Variants in CTNNA3 observed in about 807,000 individuals in gnomAD.
The protein encoded by CTNNA3 is catenin alpha 3.
CTNNA3 carries 76 observed loss-of-function variants against 95.7 expected under a neutral mutation model. The ratio of observed to expected loss-of-function variants is 0.79; its 90% CI spans 0.66 to 0.96. The LOEUF (loss-of-function observed/expected upper bound fraction) is 0.96, where lower values mean the gene tolerates loss of function less well. Ranked by LOEUF, CTNNA3 falls within the 40% of genes least tolerant of loss-of-function variation. The pLI, the probability that CTNNA3 is intolerant of heterozygous loss-of-function variation, is 0.00. For missense variants in CTNNA3, 1,191 were observed against 1,089.8 expected, an observed-to-expected ratio of 1.09 and a Z score of -1.31; for synonymous variants, 431 against 374.4, an observed-to-expected ratio of 1.15 and a Z score of -1.74.
chr10:66,155,621 C>T (rs565832655), intron 13 of CTNNA3, among the ~76,000 whole-genome samples: 1 of 151,868 alleles, frequency 6.6e-6, no homozygotes, highest in Admixed American at 6.6e-5. Flanking sequence ...CATCTTAATA[C>T]ATTGCACTAG....
intron 15 of CTNNA3, among the ~76,000 whole-genome samples, chr10:66,048,275 G>T (rs10996854): frequency 1.3e-5 from 2 of 151,906 alleles, no homozygotes; most frequent in African/African-American, 4.8e-5. Context: ...TACAGAAACC[G>T]ACAAATAGAC....
chr10:66,210,951 G>A (rs140097450), intron 13 of CTNNA3, among the ~76,000 whole-genome samples: 43 of 152,294 alleles, frequency 2.8e-4, no homozygotes, highest in African/African-American at 8.7e-4. Flanking sequence ...ATTTTAAATT[G>A]TAGAAACAAC....
chr10:67,510,877 G>T (rs1158672250), intron 5 of CTNNA3, among the ~76,000 whole-genome samples: 1 of 152,118 alleles, frequency 6.6e-6, no homozygotes, highest in Admixed American at 6.5e-5. Context: ...TTGAGCAGTG[G>T]TTTGTAGTTC....
In CTNNA3 at chr10:66,435,937, A is replaced by G. The variant is rs11817864; in HGVS notation, c.1532-56585T>C. 6.9e-3 allele frequency among the ~76,000 whole-genome samples: 1,042 copies of G among 150,482 alleles called. 10 individuals carry two copies. Among genetic ancestry groups the G allele is most frequent in the African/African-American group, 0.024 (986 of 41,184 alleles). ...ATTTCTGCCTTAATTTATTTACCCA[A>G]TAGTCATTCAGGAGCAGGTTGTTCA... On this transcript the variant is annotated intron_variant, in intron 11 of 17. Transcript: ENST00000433211.
intron 13 of CTNNA3, among the ~76,000 whole-genome samples, chr10:66,188,573 T>TG (rs1407083787): frequency 2.5e-4 from 18 of 70,702 alleles, no homozygotes; most frequent in African/African-American, 8.0e-4. Flanking sequence ...TTTCTGTGTG[T>TG]GTGTGGGGGG....
intron 7 of CTNNA3, among the ~76,000 whole-genome samples, chr10:67,124,627 A>G (rs1168045972): frequency 6.6e-6 from 1 of 152,206 alleles, no homozygotes; most frequent in Non-Finnish European, 1.5e-5. Context: ...GAAATTTTAC[A>G]GTAAAGGCTG....
At chr10:66,459,632 C>T (rs1333053360) in intron 11 of CTNNA3, among the ~76,000 whole-genome samples, 5 of 152,168 alleles carry the variant, frequency 3.3e-5, no homozygotes, top group Non-Finnish European at 7.4e-5. Flanking sequence ...TGTCATTGTG[C>T]AAACATCATA....
chr10:66,193,305 C>T (rs570131411), intron 13 of CTNNA3, among the ~76,000 whole-genome samples: 3 of 152,082 alleles, frequency 2.0e-5, no homozygotes, highest in Admixed American at 6.5e-5. Context: ...CAAAGGAGTC[C>T]GACAATAAAT....
At position 67,743,250 on chromosome 10, in the gene CTNNA3, C is replaced by G. The variant is rs368160246; in HGVS notation, c.-2+20184G>C. On this transcript the variant is annotated intron_variant, in intron 1 of 17. Transcript: ENST00000684154. ...TGATGAACATTGATGCAAAAATCCT[C>G]AATAAAATACTGGCAAACCAAATCC... Among the ~76,000 whole-genome samples, 16 of 151,270 alleles carry G rather than the reference C, an allele frequency of 1.1e-4. No homozygotes were observed. The East Asian group carries it at 2.7e-3, about 25-fold the overall frequency.
chr10:67,490,393 C>T (rs1848602903), intron 5 of CTNNA3, among the ~76,000 whole-genome samples: 1 of 152,108 alleles, frequency 6.6e-6, no homozygotes, highest in Non-Finnish European at 1.5e-5. Flanking sequence ...CCAGCACATA[C>T]TCCAAAAATA....
chr10:66,202,751 C>G (rs1589719597), intron 13 of CTNNA3, among the ~76,000 whole-genome samples: 1 of 152,114 alleles, frequency 6.6e-6, no homozygotes, highest in African/African-American at 2.4e-5. Context: ...GAAACTCTGA[C>G]TCTTCTACCA....
rs576375480 is a variant in CTNNA3, at chr10:66,101,636, T to G, written c.1977+1521A>C. Among the ~76,000 whole-genome samples the G allele has an allele frequency of 1.2e-4, 18 of 152,312 alleles. 1 individual carries two copies. The South Asian group carries it at 3.7e-3, about 32-fold the overall frequency. ...CAAATATGTAGATGCAAGATATTATTGTTAATAAAAAGATATAGTTAAGCT... is the reference window on the plus strand; with the variant it reads ...CAAATATGTAGATGCAAGATATTATGGTTAATAAAAAGATATAGTTAAGCT... On this transcript the variant is annotated intron_variant, in intron 14 of 17. Transcript: ENST00000433211.
chr10:66,625,034 C>CA (rs1430538721), intron 9 of CTNNA3, among the ~76,000 whole-genome samples: 7 of 151,952 alleles, frequency 4.6e-5, no homozygotes, highest in African/African-American at 1.7e-4. Flanking sequence ...AAACCTGGGA[C>CA]AAAATGTTCT....
At chr10:66,177,860 A>G (rs1252146628) in intron 13 of CTNNA3, among the ~76,000 whole-genome samples, 1 of 151,964 alleles carries the variant, frequency 6.6e-6, no homozygotes, top group African/African-American at 2.4e-5. Flanking sequence ...AATAAGAAAC[A>G]TTTTTGATTA....
chr10:67,305,232 C>T (rs942195357), intron 5 of CTNNA3, among the ~76,000 whole-genome samples: 9 of 151,962 alleles, frequency 5.9e-5, no homozygotes, highest in Non-Finnish European at 7.4e-5. Flanking sequence ...GCCGAGATCG[C>T]GCCACTGCAC....
chr10:66,559,734 A>G (rs1249109104), intron 10 of CTNNA3, among the ~76,000 whole-genome samples: 2 of 151,986 alleles, frequency 1.3e-5, no homozygotes, highest in African/African-American at 4.8e-5. Context: ...CTCATCTTTT[A>G]GAACACAGTT....
chr10:66,302,128 A>G (rs1443064490), intron 12 of CTNNA3, among the ~76,000 whole-genome samples: 3 of 152,094 alleles, frequency 2.0e-5, no homozygotes, highest in Non-Finnish European at 4.4e-5. Flanking sequence ...TACGAGATCC[A>G]TGTGAAGAAA....
intron 7 of CTNNA3, among the ~76,000 whole-genome samples, chr10:66,904,916 G>A (rs749766859): frequency 5.3e-5 from 8 of 152,178 alleles, no homozygotes; most frequent in East Asian, 1.9e-4. Context: ...CTTTTACACC[G>A]TTGATGGGAG....
At chr10:67,736,060 A>C (rs1435135760) in intron 1 of CTNNA3, among the ~76,000 whole-genome samples, 1 of 152,246 alleles carries the variant, frequency 6.6e-6, no homozygotes, top group African/African-American at 2.4e-5. Flanking sequence ...ATTATCAAAT[A>C]AATGGATAAA....
Sources: gnomAD v4.1 joint callset for allele counts (sites outside exome capture counted in the v4.1 genomes callset) on GRCh38, gnomAD v4.1.1 for gene constraint, MANE v1.5 for transcripts, NCBI Gene and HGNC (gene_info 2026-07-23, HGNC 2026-07-21) for gene names.